CLASP2: variants seen among roughly 807,000 people sequenced by gnomAD.
CLASP2 encodes cytoplasmic linker associated protein 2.
A neutral mutation model predicts 194.4 loss-of-function variants in CLASP2; 47 were observed. The ratio of observed to expected loss-of-function variants is 0.24; its 90% CI spans 0.19 to 0.31. CLASP2 has a LOEUF of 0.31. Among genes scored for constraint, CLASP2 ranks in the 10% least tolerant of loss-of-function variants. The probability of loss-of-function intolerance (pLI) is 1.00; values close to 1 mark genes in which losing one functional copy is unlikely to be tolerated. For synonymous variants in CLASP2, 619 were observed against 633.5 expected, an observed-to-expected ratio of 0.98 and a Z score of 0.34; for missense variants, 1,445 against 1,823.6, an observed-to-expected ratio of 0.79 and a Z score of 3.78.
chr3:33,715,006 C>T (rs1044217596), intron 1 of CLASP2, among the ~76,000 whole-genome samples: 4 of 152,198 alleles, frequency 2.6e-5, no homozygotes, highest in African/African-American at 9.6e-5. Flanking sequence ...TTTACAGCTG[C>T]TTCCTCAACT....
intron 34 of CLASP2, among the ~76,000 whole-genome samples, chr3:33,531,293 A>G (rs1052459371): frequency 1.3e-5 from 2 of 152,248 alleles, no homozygotes; most frequent in African/African-American, 4.8e-5. Flanking sequence ...TTTGCAAATC[A>G]TATATCTGAC....
chr3:33,578,720 T>C (rs2154201773), intron 23 of CLASP2, among the ~76,000 whole-genome samples: 1 of 152,338 alleles, frequency 6.6e-6, no homozygotes, highest in South Asian at 2.1e-4. Flanking sequence ...AATTTAAAAA[T>C]GTCTAGTGGA....
In CLASP2 at chr3:33,497,459, T is replaced by C. The variant is rs916603605; in HGVS notation, c.*1172A>G. 1 of 152,544 alleles carries C rather than the reference T, an allele frequency of 6.6e-6. No individual in the cohort carries two copies. The highest frequency in any genetic ancestry group is 2.4e-5 in the African/African-American group (1 of 41,444). 9.4% of individuals were successfully genotyped at this position (152,544 alleles called of 1,614,324 possible). ...TGTAGCAAGAGGTGATTAAAAAAAT[T>C]TGCTAAAAAGTAACAGAAAATCACC... On this transcript the variant is annotated 3_prime_UTR_variant, in exon 39 of 39. Coordinates refer to ENST00000682230, the MANE Select transcript of CLASP2 (RefSeq NM_001365631.1).
At chr3:33,526,951 A>T (rs1245661067) in intron 34 of CLASP2, among the ~76,000 whole-genome samples, 1 of 152,234 alleles carries the variant, frequency 6.6e-6, no homozygotes, top group Admixed American at 6.5e-5. Context: ...GATACAAGAC[A>T]TTAGAATCTT....
chr3:33,574,501 G>A (rs575359833), intron 24 of CLASP2: 8 of 1,505,360 alleles, frequency 5.3e-6, no homozygotes, highest in African/African-American at 1.4e-5. Flanking sequence ...TAAGAGCTGA[G>A]AGCAGTAAAT....
chr3:33,688,630 C>T (rs755716200), intron 3 of CLASP2, among the ~76,000 whole-genome samples: 69 of 152,146 alleles, frequency 4.5e-4, no homozygotes, highest in Non-Finnish European at 7.4e-5. Flanking sequence ...CCATGTCCAA[C>T]AACTGAAAAC....
intron 29 of CLASP2, among the ~76,000 whole-genome samples, chr3:33,554,365 TGAACCTGGAG>T (rs2060560799): frequency 6.6e-6 from 1 of 152,128 alleles, no homozygotes; most frequent in East Asian, 1.9e-4. Context: ...ATAACGAAGA[TGAACCTGGAG>T]GACAATACCG....
chr3:33,559,100 C>A, intron 29 of CLASP2: 7 of 663,310 alleles, frequency 1.1e-5, no homozygotes, highest in Non-Finnish European at 1.9e-5. Context: ...AGAAATAATG[C>A]AGATGAAAAC....
intron 23 of CLASP2, among the ~76,000 whole-genome samples, chr3:33,580,544 CAG>C: frequency 6.6e-6 from 1 of 152,018 alleles, no homozygotes; most frequent in East Asian, 1.9e-4. Flanking sequence ...GCCTGGGCAA[CAG>C]AGTGAGACTC....
chr3:33,634,552 C>G (rs1036962445), intron 8 of CLASP2, among the ~76,000 whole-genome samples: 9 of 152,146 alleles, frequency 5.9e-5, no homozygotes, highest in African/African-American at 2.2e-4. Flanking sequence ...AAAAAATATC[C>G]TTTGACCAAC....
chr3:33,689,570 A>G (rs1403344176), intron 3 of CLASP2, among the ~76,000 whole-genome samples: 1 of 152,126 alleles, frequency 6.6e-6, no homozygotes, highest in Non-Finnish European at 1.5e-5. Context: ...AAAATCCTAA[A>G]GTATAACATA....
At position 33,606,674 on chromosome 3, in the gene CLASP2, A is replaced by C. The variant is rs557191116; in HGVS notation, c.1611T>G (p.Leu537=). Residue 537 remains leucine (L), a synonymous_variant, in exon 16 of 39, where the codon CTT becomes CTG. Transcript: ENST00000682230. ...NSLEPSYQKS[L]QTYLKSSGSV... is the part of the protein sequence containing the mutation. ...TGCCAGAACTCTTTAAGTAAGTTTG[A>C]AGACTCTTCTGATAAGATGGCTCAA... The C allele has an allele frequency of 6.2e-6, 10 of 1,613,578 alleles. No individual in the cohort carries two copies. The South Asian group carries it at 1.1e-4, about 18-fold the overall frequency.
intron 8 of CLASP2, among the ~76,000 whole-genome samples, chr3:33,637,143 C>T (rs2080301209): frequency 1.3e-5 from 2 of 152,080 alleles, no homozygotes; most frequent in South Asian, 4.2e-4. Flanking sequence ...GAGACAAATA[C>T]AGAACACAAG....
At chr3:33,663,410 G>A in intron 7 of CLASP2, 35 bp downstream of exon 7, 1 of 1,560,408 alleles carries the variant, frequency 6.4e-7, no homozygotes, top group Non-Finnish European at 8.8e-7. Flanking sequence ...TTGCTAAATA[G>A]TCTTAGAAAT....
At chr3:33,669,893 A>T (rs897060195) in intron 6 of CLASP2, among the ~76,000 whole-genome samples, 1 of 152,220 alleles carries the variant, frequency 6.6e-6, no homozygotes, top group Non-Finnish European at 1.5e-5. Context: ...ATGAATTAGT[A>T]TGTATACCAC....
intron 20 of CLASP2, among the ~76,000 whole-genome samples, chr3:33,594,604 TAA>T (rs939127180): frequency 6.6e-6 from 1 of 151,326 alleles, no homozygotes; most frequent in African/African-American, 2.4e-5. Context: ...TTGGCATAAA[TAA>T]AAAAACAAAA....
chr3:33,704,987 G>A (rs1161083182), intron 1 of CLASP2, among the ~76,000 whole-genome samples: 1 of 152,088 alleles, frequency 6.6e-6, no homozygotes, highest in Non-Finnish European at 1.5e-5. Context: ...CAGTTTGGCA[G>A]TTCCTCCTAA....
rs912806559 is a variant in CLASP2, at chr3:33,717,952, G to C, written c.51C>G (p.Asp17Glu). 2 of 1,545,228 alleles carry C rather than the reference G, an allele frequency of 1.3e-6. No individual in the cohort carries two copies. Among genetic ancestry groups the C allele is most frequent in the Non-Finnish European group, 8.7e-7 (1 of 1,146,810 alleles). ...EYFCAQVQQKDVGGRLQVGQE... is the reference protein window; with the variant it reads ...EYFCAQVQQKEVGGRLQVGQE... ...GGCCGACCTGCAGCCGGCCGCCGAC[G>C]TCCTTCTGCTGCACCTGGGCGCAGA... The change falls in exon 1 of 39, where the codon GAC (aspartate) becomes GAG (glutamate). Residue 17 changes from aspartate to glutamate, a missense_variant. By Grantham distance (45) the Asp-to-Glu change is conservative. Around this residue, in one of 4 missense-constraint regions of CLASP2, gnomAD observed 332 missense variants for 325.3 expected, o/e 1.02. Transcript: ENST00000682230.
intron 26 of CLASP2, 101 bp from the exon 27 acceptor site, chr3:33,566,835 G>A: frequency 2.7e-6 from 1 of 370,538 alleles, no homozygotes; most frequent in South Asian, 2.0e-5. Context: ...TTCCTGTATG[G>A]AAGAAAAACA....
Sources: gnomAD v4.1 joint callset for allele counts (sites outside exome capture counted in the v4.1 genomes callset) on GRCh38, gnomAD v4.1.1 for gene constraint, gnomAD v4.1.1 regional missense constraint, MANE v1.5 for transcripts, NCBI Gene and HGNC (gene_info 2026-07-23, HGNC 2026-07-21) for gene names.